Variants in ZBTB2 observed in about 807,000 individuals in gnomAD.
ZBTB2 encodes zinc finger and BTB domain-containing protein 2.
Under a neutral mutation model 39.5 loss-of-function variants are expected in ZBTB2, and 2 were observed. That is an observed-to-expected ratio of 0.05 (90% CI 0.02 to 0.16). The LOEUF is 0.16. ZBTB2 is among the 10% of genes least tolerant of loss of function. The pLI, the probability that ZBTB2 is intolerant of heterozygous loss-of-function variation, is 1.00. For synonymous variants in ZBTB2, 251 were observed against 256.6 expected (o/e 0.98, Z 0.21); for missense variants, 391 against 653.0 (o/e 0.60, Z 4.37).
At chr6:151,371,808 T>C (rs1269925979) in intron 2 of ZBTB2, among the ~76,000 whole-genome samples, 1 of 152,062 alleles carries the variant, frequency 6.6e-6, no homozygotes, top group Non-Finnish European at 1.5e-5. Context: ...GAATGGGTGA[T>C]GAGGTAATGG....
Position 151,365,526 on chromosome 6 carries a change from C to G in ZBTB2, c.1540G>C (p.Asp514His). ...TTTAAAAAGATAAGTGACATTCAGT[C>G]TAGTAAGACGGTTTCTTGTTCCTTT... Reference protein sequence around the residue: ...IKKEQETVLLD With the variant: ...IKKEQETVLLH The change falls in exon 3 of 3, where the codon GAC becomes CAC. Residue 514 changes from aspartate (D) to histidine (H), a missense_variant. Physicochemically the swap from Asp to His is moderately conservative, Grantham distance 81. Transcript: ENST00000325144. This position sits in a 1 kb window ranked among gnomAD's most constrained non-coding sequence, Gnocchi z 5.6. 2 of 1,602,254 alleles carry G rather than the reference C, an allele frequency of 1.2e-6. No individual in the cohort carries two copies. The highest frequency in any genetic ancestry group is 1.7e-6 in the Non-Finnish European group (2 of 1,174,948).
intron 1 of ZBTB2, among the ~76,000 whole-genome samples, chr6:151,385,547 A>C (rs564432343): frequency 1.3e-5 from 2 of 152,336 alleles, no homozygotes; most frequent in South Asian, 2.1e-4. Context: ...GAAATTGTTG[A>C]TTCAGTTTTT....
chr6:151,366,538 C>T lies in ZBTB2; in HGVS notation c.528G>A (p.Gln176=). 1 of 1,614,082 alleles carries T rather than the reference C, an allele frequency of 6.2e-7. No individual in the cohort carries two copies. The highest frequency in any genetic ancestry group is 8.5e-7 in the Non-Finnish European group (1 of 1,180,018). ...ISQEQVPEAS[Q]LSQLTSNLAQ... is the part of the protein sequence containing the mutation. ...CCAGATTTGAAGTCAGCTGGGAGAG[C>T]TGTGAGGCCTCAGGGACCTGCTCCT... The change falls in exon 3 of 3, where the codon CAG becomes CAA. Residue 176 remains glutamine, a synonymous_variant. Transcript: ENST00000325144. The surrounding 1 kb of genome is among the most constrained non-coding windows in gnomAD (Gnocchi z 7.1).
At position 151,366,340 on chromosome 6, in the gene ZBTB2, G is replaced by T; in HGVS notation, c.726C>A (p.Ser242Arg). 6.2e-7 allele frequency: 1 copy of T among 1,614,114 alleles called. No homozygotes were observed. The highest frequency in any genetic ancestry group is 2.2e-5 in the East Asian group (1 of 44,854). ...GAAAGCTCCCATTCCTCTTCATGAT[G>T]CTTGGCTTGACGTGGGCTATTGTGA... ...ASLTIAHVKPSIMKRNGSFPK... is the reference protein window; with the variant it reads ...ASLTIAHVKPRIMKRNGSFPK... The change falls in exon 3 of 3, where the codon AGC (serine) becomes AGA (arginine). Residue 242 changes from serine (S) to arginine (R), a missense_variant. Around this residue, in one of 7 missense-constraint regions of ZBTB2, gnomAD observed 175 missense variants for 198.6 expected, o/e 0.88. Transcript: ENST00000325144. This position sits in a 1 kb window ranked among gnomAD's most constrained non-coding sequence, Gnocchi z 7.1.
At chr6:151,390,852 G>C (rs1453531535) in intron 1 of ZBTB2, among the ~76,000 whole-genome samples, 1 of 151,322 alleles carries the variant, frequency 6.6e-6, no homozygotes, top group Non-Finnish European at 1.5e-5. Context: ...GCAGGAGGCG[G>C]CGGCGAGGCG....
Position 151,366,628 on chromosome 6 carries a change from G to C in ZBTB2, c.438C>G (p.Thr146=), listed in dbSNP as rs146045152. ...GTTTTTCAGGTGCTGAAGCAATCTT[G>C]GTGGCTTGTCTCAACTGATGATCTG... ...QIADHQLRQA[T]KIASAPEKLG... The change falls in exon 3 of 3, where the codon ACC becomes ACG. Residue 146 remains threonine (T), a synonymous_variant. Transcript: ENST00000325144. The surrounding 1 kb of genome is among the most constrained non-coding windows in gnomAD (Gnocchi z 7.1). 42 of 1,614,000 alleles carry C rather than the reference G, an allele frequency of 2.6e-5. No individual in the cohort carries two copies. Among genetic ancestry groups the C allele is most frequent in the Non-Finnish European group, 3.6e-5 (42 of 1,180,034 alleles).
At chr6:151,368,792 C>A (rs1562764374) in intron 2 of ZBTB2, among the ~76,000 whole-genome samples, 1 of 148,146 alleles carries the variant, frequency 6.8e-6, no homozygotes, top group Admixed American at 6.8e-5. Flanking sequence ...GAGACGAAGT[C>A]TTGCTCTGCT....
At chr6:151,376,364 T>G (rs1267295277) in intron 1 of ZBTB2, among the ~76,000 whole-genome samples, 2 of 152,186 alleles carry the variant, frequency 1.3e-5, no homozygotes, top group Non-Finnish European at 2.9e-5. Flanking sequence ...TAAAAACTTT[T>G]GCTCTCCGAA....
chr6:151,389,231 G>A (rs969494362), intron 1 of ZBTB2, among the ~76,000 whole-genome samples: 1 of 151,912 alleles, frequency 6.6e-6, no homozygotes, highest in Non-Finnish European at 1.5e-5. Context: ...AGACCGTCTC[G>A]GGCAACATAG....
intron 1 of ZBTB2, among the ~76,000 whole-genome samples, chr6:151,381,925 A>T (rs1299655481): frequency 1.3e-5 from 2 of 152,228 alleles, no homozygotes; most frequent in Non-Finnish European, 2.9e-5. Context: ...GCTTAACAAC[A>T]GAGATACGTT....
At chr6:151,375,398 T>C (rs938028984) in intron 1 of ZBTB2, among the ~76,000 whole-genome samples, 1 of 152,198 alleles carries the variant, frequency 6.6e-6, no homozygotes, top group African/African-American at 2.4e-5. Flanking sequence ...ACTATGATTA[T>C]GGACAGGAAG....
chr6:151,377,741 A>G (rs74590769), intron 1 of ZBTB2, among the ~76,000 whole-genome samples: 3,842 of 151,846 alleles, frequency 0.025, 71 homozygotes, highest in Non-Finnish European at 0.042. Flanking sequence ...CCATGTTGTT[A>G]GCCAGGACAG....
chr6:151,390,690 T>C (rs1779274930), intron 1 of ZBTB2, among the ~76,000 whole-genome samples: 1 of 151,202 alleles, frequency 6.6e-6, no homozygotes, highest in Non-Finnish European at 1.5e-5. Flanking sequence ...GCAGCAGCTG[T>C]AGGAGCCGCT....
At chr6:151,379,183 CTAGTT>C (rs1364159734) in intron 1 of ZBTB2, among the ~76,000 whole-genome samples, 1 of 152,192 alleles carries the variant, frequency 6.6e-6, no homozygotes, top group African/African-American at 2.4e-5. Flanking sequence ...TCTCCGTACT[CTAGTT>C]AATACTTGGT....
Position 151,366,690 on chromosome 6 carries a change from A to G in ZBTB2, c.376T>C (p.Phe126Leu), listed in dbSNP as rs1562763430. Residue 126 changes from phenylalanine (F) to leucine (L), a missense_variant, in exon 3 of 3, where the codon TTC (phenylalanine) becomes CTC (leucine). Around this residue, in one of 7 missense-constraint regions of ZBTB2, gnomAD observed 175 missense variants for 198.6 expected, o/e 0.88. Coordinates refer to ENST00000325144, the MANE Select transcript of ZBTB2 (RefSeq NM_020861.3). This position sits in a 1 kb window ranked among gnomAD's most constrained non-coding sequence, Gnocchi z 7.1. Reference protein sequence around the residue: ...QGAFSHPDQVFPLASSLYGIQ... With the variant: ...QGAFSHPDQVLPLASSLYGIQ... ...CCATACAATGAAGAAGCCAGTGGGA[A>G]AACTTGGTCAGGGTGAGAAAAGGCT... 6.2e-7 allele frequency: 1 copy of G among 1,614,132 alleles called. No homozygotes were observed. The highest frequency in any genetic ancestry group is 1.7e-5 in the Admixed American group (1 of 60,018).
At chr6:151,367,314 A>T (rs904966934) in intron 2 of ZBTB2, among the ~76,000 whole-genome samples, 1 of 152,020 alleles carries the variant, frequency 6.6e-6, no homozygotes, top group African/African-American at 2.4e-5. Flanking sequence ...AGAGACGGGG[A>T]TTCACCATGT....
At chr6:151,373,870 A>AAAAAAAAAAAAAAAAAAACAAAAC (rs1778843577) in intron 1 of ZBTB2, among the ~76,000 whole-genome samples, 7 of 123,566 alleles carry the variant, frequency 5.7e-5, no homozygotes, top group African/African-American at 2.5e-4. Context: ...AAAAAAAAAA[A>AAAAAAAAAAAAAAAAAAACAAAAC]AAAAAAACCA....
intron 2 of ZBTB2, among the ~76,000 whole-genome samples, chr6:151,368,840 T>TGGGAG (rs1429913146): frequency 6.6e-6 from 1 of 152,028 alleles, no homozygotes; most frequent in Admixed American, 6.6e-5. Flanking sequence ...TTTGGCTCAC[T>TGGGAG]GCAATCTCCG....
intron 1 of ZBTB2, among the ~76,000 whole-genome samples, chr6:151,382,500 C>A (rs1779057265): frequency 6.6e-6 from 1 of 151,764 alleles, no homozygotes; most frequent in Non-Finnish European, 1.5e-5. Flanking sequence ...GATGATCCAC[C>A]CGCCTCGGCC....
Sources: gnomAD v4.1 joint callset for allele counts (sites outside exome capture counted in the v4.1 genomes callset) on GRCh38, gnomAD v4.1.1 for gene constraint, gnomAD v4.1.1 regional missense constraint, Gnocchi (gnomAD v3.1) non-coding constraint, MANE v1.5 for transcripts, NCBI Gene and HGNC (gene_info 2026-07-23, HGNC 2026-07-21) for gene names.